The following RNF220 variants were observed in gnomAD, a reference collection of about 807,000 sequenced individuals.
RNF220 encodes E3 ubiquitin-protein ligase RNF220.
In RNF220, 7 loss-of-function variants were observed where a neutral mutation model predicts 67.1. The ratio of observed to expected loss-of-function variants is 0.10; its 90% CI spans 0.06 to 0.20. The LOEUF is 0.20. RNF220 is among the 10% of genes least tolerant of loss of function. RNF220 has a pLI of 1.00. For missense variants in RNF220, 565 were observed against 740.3 expected (o/e 0.76, Z 2.75); for synonymous variants, 270 against 283.2 (o/e 0.95, Z 0.47).
chr1:44,493,316 C>T lies in RNF220; in HGVS notation c.625+80594C>T, dbSNP rs185886860. On this transcript the variant is annotated intron_variant, in intron 2 of 14. Coordinates refer to ENST00000361799, the MANE Select transcript of RNF220 (RefSeq NM_018150.4). ...GGATCACGAGGTCAGGAGTTCGAGG[C>T]CAGCCTGGCCAACATGGTAAAACTC... Among the ~76,000 whole-genome samples the T allele has an allele frequency of 4.8e-4, 73 of 152,106 alleles. 1 individual carries two copies. The highest frequency in any genetic ancestry group is 7.2e-4 in the Non-Finnish European group (49 of 68,016).
Position 44,644,807 on chromosome 1 carries a change from C to G in RNF220, c.1223+13C>G, listed in dbSNP as rs764917122. On this transcript the variant is annotated intron_variant, in intron 9 of 14. Transcript: ENST00000361799. ...ATGGGAAGCCACAGTATCCTTGGAG[C>G]ACTATGGGGGCTGGTGGGGCTGATA... 6.2e-7 allele frequency: 1 copy of G among 1,603,494 alleles called. No individual in the cohort carries two copies. Among genetic ancestry groups the G allele is most frequent in the Non-Finnish European group, 8.5e-7 (1 of 1,170,378 alleles).
intron 2 of RNF220, among the ~76,000 whole-genome samples, chr1:44,435,960 C>A (rs1057474563): frequency 4.6e-5 from 7 of 151,830 alleles, no homozygotes; most frequent in African/African-American, 1.2e-4. Context: ...ATGGAAGAAA[C>A]CTTTGGATAG....
intron 2 of RNF220, among the ~76,000 whole-genome samples, chr1:44,532,118 A>G (rs6669807): frequency 0.18 from 27,357 of 152,182 alleles, 2,695 homozygotes; most frequent in African/African-American, 0.26. Flanking sequence ...TACGCTCTTT[A>G]TGGTTTACAA....
chr1:44,588,029 A>G (rs1166157420), intron 2 of RNF220, among the ~76,000 whole-genome samples: 1 of 152,234 alleles, frequency 6.6e-6, no homozygotes, highest in East Asian at 1.9e-4. Context: ...CCCCGAGGCC[A>G]TAAATCCTGC....
Position 44,622,735 on chromosome 1 carries a change from T to C in RNF220, c.759-7T>C. ...AATGGTTACCCTGTTCTCTTCTTTC[T>C]TGGCAGCAAGAATTCCCTTCTGAAG... is the stretch of plus-strand genomic sequence containing the variant. On this transcript the variant is annotated splice_region_variant and splice_polypyrimidine_tract_variant and intron_variant, in intron 3 of 14. Transcript: ENST00000361799. The surrounding 1 kb of genome is among the most constrained non-coding windows in gnomAD (Gnocchi z 4.3). 1 of 1,613,824 alleles carries C rather than the reference T, an allele frequency of 6.2e-7. No homozygotes were observed. The highest frequency in any genetic ancestry group is 8.5e-7 in the Non-Finnish European group (1 of 1,179,774).
chr1:44,473,791 CG>C (rs2147999874), intron 2 of RNF220, among the ~76,000 whole-genome samples: 1 of 152,194 alleles, frequency 6.6e-6, no homozygotes, highest in East Asian at 1.9e-4. Flanking sequence ...CCTGGTTAAC[CG>C]ACACTCTGTA....
intron 2 of RNF220, among the ~76,000 whole-genome samples, chr1:44,507,984 A>G (rs1026636141): frequency 3.9e-4 from 60 of 152,256 alleles, no homozygotes; most frequent in Non-Finnish European, 5.6e-4. Context: ...CGGGACAGAC[A>G]GTCCTGGGGG....
chr1:44,539,153 G>A (rs1188281246), intron 2 of RNF220, among the ~76,000 whole-genome samples: 5 of 151,982 alleles, frequency 3.3e-5, no homozygotes, highest in South Asian at 2.1e-4. Context: ...CCCGGGATGC[G>A]AAGGTTGCAG....
intron 2 of RNF220, among the ~76,000 whole-genome samples, chr1:44,571,677 G>C (rs1267358455): frequency 6.6e-6 from 1 of 152,194 alleles, no homozygotes; most frequent in African/African-American, 2.4e-5. Context: ...TATGCCAGCA[G>C]CTTCTAAATC....
chr1:44,617,271 G>T lies in RNF220; in HGVS notation c.758+2974G>T, dbSNP rs560568949. On this transcript the variant is annotated intron_variant, in intron 3 of 14. Coordinates refer to ENST00000361799, the MANE Select transcript of RNF220 (RefSeq NM_018150.4). ...GTTTTATCTGTCTCGGCCCCGCCGC[G>T]CCCGGCGCGCTGACAGTTGGACCGG... Among the ~76,000 whole-genome samples the T allele has an allele frequency of 4.6e-5, 7 of 152,124 alleles. 1 individual carries two copies. In the South Asian group the frequency reaches 1.5e-3, roughly 32 times the overall value.
intron 2 of RNF220, among the ~76,000 whole-genome samples, chr1:44,597,068 C>T (rs1666549105): frequency 6.6e-6 from 1 of 152,162 alleles, no homozygotes; most frequent in Admixed American, 6.5e-5. Flanking sequence ...CTGTAGCTAC[C>T]ATTTCCTGAC....
At chr1:44,479,017 T>A (rs1023470804) in intron 2 of RNF220, among the ~76,000 whole-genome samples, 5 of 152,152 alleles carry the variant, frequency 3.3e-5, no homozygotes, top group African/African-American at 1.2e-4. Context: ...TTGTAGAAAT[T>A]TGGGGCCCCA....
At chr1:44,611,161 C>T (rs1019570291) in intron 2 of RNF220, among the ~76,000 whole-genome samples, 1 of 152,146 alleles carries the variant, frequency 6.6e-6, no homozygotes, top group Non-Finnish European at 1.5e-5. Context: ...CCACTCTAAC[C>T]CCTGAGAAAA....
chr1:44,505,090 C>G (rs1347002431), intron 2 of RNF220, among the ~76,000 whole-genome samples: 4 of 152,218 alleles, frequency 2.6e-5, no homozygotes, highest in Non-Finnish European at 5.9e-5. Flanking sequence ...ATGTTACTTC[C>G]CCCATTTTAT....
chr1:44,632,342 G>T lies in RNF220; in HGVS notation c.907-1G>T. 1 of 1,614,100 alleles carries T rather than the reference G, an allele frequency of 6.2e-7. No individual in the cohort carries two copies. The highest frequency in any genetic ancestry group is 8.5e-7 in the Non-Finnish European group (1 of 1,180,008). On this transcript the variant is annotated splice_acceptor_variant, in intron 5 of 14. Transcript: ENST00000361799. LOFTEE classifies it high-confidence loss of function. Reference sequence around the variant, plus strand: ...TGCATCTGCCCGCGATCTTCTCCCAGACCTTTCTGCGAGTACGAGCCAACC... The same window carrying T: ...TGCATCTGCCCGCGATCTTCTCCCATACCTTTCTGCGAGTACGAGCCAACC...
At position 44,405,374 on chromosome 1, in the gene RNF220, C is replaced by CCTACTGCTGCTGCTG. The variant is rs1553208883; in HGVS notation, c.-271_-257dup. 8.1e-5 allele frequency: 47 copies of CCTACTGCTGCTGCTG among 578,712 alleles called. No homozygotes were observed. The highest frequency in any genetic ancestry group is 1.6e-4 in the Admixed American group (6 of 37,732). The allele number at this position is 578,712 out of a possible 1,614,324, so 35.8% of individuals were successfully genotyped here. ...GCGAACACAAACCCGGGGCCAGCCG[C>CCTACTGCTGCTGCTG]CTACTGCTGCTGCTGCTGCTGCCGC... On this transcript the variant is annotated 5_prime_UTR_variant, in exon 1 of 15. Coordinates refer to ENST00000361799, the MANE Select transcript of RNF220 (RefSeq NM_018150.4).
At chr1:44,466,853 T>C (rs1417304636) in intron 2 of RNF220, among the ~76,000 whole-genome samples, 1 of 152,240 alleles carries the variant, frequency 6.6e-6, no homozygotes, top group Non-Finnish European at 1.5e-5. Flanking sequence ...AGATTTAGCA[T>C]AATTTTTAAG....
intron 2 of RNF220, among the ~76,000 whole-genome samples, chr1:44,461,079 G>A (rs946959): frequency 0.55 from 82,997 of 151,966 alleles, 23,951 homozygotes; most frequent in Admixed American, 0.66. Context: ...TTAAGCTCCC[G>A]GGGGCAGGGA....
At chr1:44,419,492 C>T (rs1648975182) in intron 2 of RNF220, 1 of 152,196 alleles carries the variant, frequency 6.6e-6, no homozygotes, top group African/African-American at 2.4e-5. Flanking sequence ...TTTCTGTTAT[C>T]TTAATCACAC....
Sources: gnomAD v4.1 joint callset for allele counts (sites outside exome capture counted in the v4.1 genomes callset) on GRCh38, gnomAD v4.1.1 for gene constraint, Gnocchi (gnomAD v3.1) non-coding constraint, MANE v1.5 for transcripts, NCBI Gene and HGNC (gene_info 2026-07-23, HGNC 2026-07-21) for gene names.